The following CERT1 variants were observed in gnomAD, a reference collection of about 807,000 sequenced individuals.
CERT1 encodes the protein ceramide transfer protein.
Under a neutral mutation model 87.9 loss-of-function variants are expected in CERT1, and 31 were observed. The observed-to-expected ratio is 0.35, with a 90% confidence interval of 0.27 to 0.48. The LOEUF is 0.48. Ranked by LOEUF, CERT1 falls within the 20% of genes least tolerant of loss-of-function variation. The pLI, the probability that CERT1 is intolerant of heterozygous loss-of-function variation, is 0.99. For synonymous variants in CERT1, 289 were observed against 250.9 expected, an observed-to-expected ratio of 1.15 and a Z score of -1.44; for missense variants, 487 against 758.0, an observed-to-expected ratio of 0.64 and a Z score of 4.20.
At chr5:75,500,312 T>C (rs1010972809) in intron 2 of CERT1, among the ~76,000 whole-genome samples, 1 of 152,152 alleles carries the variant, frequency 6.6e-6, no homozygotes. Flanking sequence ...CCCTAGCAAA[T>C]GAATACATTG....
At chr5:75,368,905 G>A (rs1045379028) in intron 17 of CERT1, 2 of 151,760 alleles carry the variant, frequency 1.3e-5, no homozygotes, top group East Asian at 1.9e-4. Flanking sequence ...TGAAAATAAC[G>A]TAAGTTGAAA....
intron 9 of CERT1, 160 bp downstream of exon 9, chr5:75,402,812 A>G (rs536244423): frequency 3.7e-4 from 192 of 515,900 alleles, no homozygotes; most frequent in African/African-American, 3.4e-3. Flanking sequence ...AAAAAAAAAA[A>G]AAGATTATTT....
At chr5:75,449,939 CTTG>C (rs1234630055) in intron 3 of CERT1, among the ~76,000 whole-genome samples, 3 of 152,082 alleles carry the variant, frequency 2.0e-5, no homozygotes, top group South Asian at 2.1e-4. Flanking sequence ...GACATAATAT[CTTG>C]TTAAGTTACA....
chr5:75,425,427 T>C lies in CERT1; in HGVS notation c.529A>G (p.Thr177Ala). ...FRDILCRQVDTLQKYFDACAD... is the reference protein window; with the variant it reads ...FRDILCRQVDALQKYFDACAD... ...CAGGCATCAAAGTACTTCTGTAGCG[T>C]GTCAACTTGTCTACATAAGATGTCT... Residue 177 changes from threonine to alanine, a missense_variant, in exon 5 of 17, where the codon ACG becomes GCG. Physicochemically the swap from Thr to Ala is moderately conservative, Grantham distance 58. Transcript: ENST00000643780. 6.2e-7 allele frequency: 1 copy of C among 1,613,914 alleles called. No individual in the cohort carries two copies. Among genetic ancestry groups the C allele is most frequent in the Non-Finnish European group, 8.5e-7 (1 of 1,179,784 alleles).
rs765728135 is a variant in CERT1, at chr5:75,506,140, A to G, written c.97-24T>C. On this transcript the variant is annotated intron_variant, in intron 1 of 16. Transcript: ENST00000643780. ...CACTGGGAGTGGGAAGGGGAAGGGA[A>G]GAGAGAAGAAAACAAAAAATAGAAG... 8.7e-6 allele frequency: 14 copies of G among 1,602,808 alleles called. No homozygotes were observed. The African/African-American group carries it at 1.6e-4, about 18-fold the overall frequency.
intron 2 of CERT1, among the ~76,000 whole-genome samples, chr5:75,491,900 T>C (rs1182542540): frequency 2.6e-5 from 4 of 152,198 alleles, no homozygotes; most frequent in South Asian, 2.1e-4. Context: ...TCTGAACTCT[T>C]TGAGTCAAGG....
At chr5:75,500,010 T>C (rs1246049068) in intron 2 of CERT1, among the ~76,000 whole-genome samples, 1 of 152,230 alleles carries the variant, frequency 6.6e-6, no homozygotes, top group Non-Finnish European at 1.5e-5. Flanking sequence ...TAATCCAGTA[T>C]GACTGGTGTC....
At chr5:75,369,923 A>C (rs1761024816) in intron 17 of CERT1, 1 of 152,246 alleles carries the variant, frequency 6.6e-6, no homozygotes, top group African/African-American at 2.4e-5. Flanking sequence ...TAGACAATAT[A>C]AATGATAGTA....
intron 3 of CERT1, among the ~76,000 whole-genome samples, chr5:75,441,337 T>C (rs1764311805): frequency 6.6e-6 from 1 of 152,174 alleles, no homozygotes; most frequent in African/African-American, 2.4e-5. Flanking sequence ...AAGTTCACTC[T>C]ATGATGTTTG....
intron 10 of CERT1, 51 bp from the exon 11 acceptor site, chr5:75,399,438 CAG>C (rs1367527847): frequency 7.6e-7 from 1 of 1,319,184 alleles, no homozygotes; most frequent in South Asian, 1.2e-5. Context: ...AAAGGCACAA[CAG>C]AGCATTCAGT....
chr5:75,387,720 T>C (rs1463363130), intron 12 of CERT1, among the ~76,000 whole-genome samples: 3 of 149,328 alleles, frequency 2.0e-5, no homozygotes, highest in Admixed American at 6.7e-5. Flanking sequence ...CCAGCCTGGG[T>C]GACAAGAGCA....
At chr5:75,487,125 A>G (rs1297008646) in intron 2 of CERT1, among the ~76,000 whole-genome samples, 1 of 152,124 alleles carries the variant, frequency 6.6e-6, no homozygotes, top group African/African-American at 2.4e-5. Context: ...GTACTGGCAT[A>G]TAAACAGATA....
chr5:75,463,240 T>C (rs1403503956), intron 2 of CERT1, among the ~76,000 whole-genome samples: 6 of 152,166 alleles, frequency 3.9e-5, no homozygotes. Flanking sequence ...GGAAATGCTA[T>C]AGGACACTGT....
Position 75,426,443 on chromosome 5 carries a change from A to G in CERT1, c.384T>C (p.Arg128=). The change falls in exon 4 of 17, where the codon CGT becomes CGC. Residue 128 remains arginine (R), a synonymous_variant. Transcript: ENST00000643780. ...ESGYGSESSL[R]RHGSMVSLVS... Reference sequence around the variant, plus strand: ...CCAGGGACACCATTGAGCCATGTCGACGCAAGCTGGATTCAGATCCATATC... The same window carrying G: ...CCAGGGACACCATTGAGCCATGTCGGCGCAAGCTGGATTCAGATCCATATC... 1 of 1,613,860 alleles carries G rather than the reference A, an allele frequency of 6.2e-7. No individual in the cohort carries two copies. The highest frequency in any genetic ancestry group is 8.5e-7 in the Non-Finnish European group (1 of 1,179,810).
Position 75,511,324 on chromosome 5 carries a change from G to A in CERT1, c.-117C>T. 1.9e-6 allele frequency: 3 copies of A among 1,548,048 alleles called. No individual in the cohort carries two copies. The highest frequency in any genetic ancestry group is 2.6e-6 in the Non-Finnish European group (3 of 1,146,482). On this transcript the variant is annotated 5_prime_UTR_variant, in exon 1 of 17. Coordinates refer to ENST00000643780, the MANE Select transcript of CERT1 (RefSeq NM_001379029.1). ...GGCGAAGCGAAGAGTGCCCGCTCCG[G>A]TGTGGGGGGGAGCAGGAGGAGGGAC...
At chr5:75,382,125 A>G in intron 14 of CERT1, 48 bp from the exon 15 acceptor site, 1 of 1,560,676 alleles carries the variant, frequency 6.4e-7, no homozygotes, top group African/African-American at 1.4e-5. Context: ...ACATGGAACT[A>G]ACAAGAGAAA....
Position 75,399,351 on chromosome 5 carries a change from G to T in CERT1, c.1147C>A (p.Leu383Ile). The T allele has an allele frequency of 6.2e-7, 1 of 1,613,270 alleles. No homozygotes were observed. ...SRSSSMSSID[L>I]VSASDDVHRF... ...TGAACATCATCAGAGGCACTGACTA[G>T]ATCAATGGAAGACATGGAGGAAGAG... is the stretch of plus-strand genomic sequence containing the variant. Residue 383 changes from leucine to isoleucine, a missense_variant, in exon 11 of 17, where the codon CTA (leucine) becomes ATA (isoleucine). This residue lies in a region of CERT1 where 91 missense variants were observed against 86.7 expected (regional missense o/e 1.05). Transcript: ENST00000643780.
chr5:75,469,617 T>A (rs1765624328), intron 2 of CERT1, among the ~76,000 whole-genome samples: 1 of 151,970 alleles, frequency 6.6e-6, no homozygotes, highest in African/African-American at 2.4e-5. Flanking sequence ...AAAAAATAAA[T>A]ATAAAGCAAG....
At chr5:75,408,813 CAT>C (rs1762815258) in intron 8 of CERT1, among the ~76,000 whole-genome samples, 3 of 151,576 alleles carry the variant, frequency 2.0e-5, no homozygotes, top group Admixed American at 2.0e-4. Context: ...ATCTGATAAA[CAT>C]AATTTTTAAA....
Sources: gnomAD v4.1 joint callset for allele counts (sites outside exome capture counted in the v4.1 genomes callset) on GRCh38, gnomAD v4.1.1 for gene constraint, gnomAD v4.1.1 regional missense constraint, MANE v1.5 for transcripts, NCBI Gene and HGNC (gene_info 2026-07-23, HGNC 2026-07-21) for gene names.